The following MOB1A variants were observed in gnomAD, a reference collection of about 807,000 sequenced individuals.
MOB1A encodes the protein MOB1 Mps One Binder homolog A.
A neutral mutation model predicts 25.1 loss-of-function variants in MOB1A; 10 were observed. The ratio of observed to expected loss-of-function variants is 0.40; its 90% confidence interval spans 0.25 to 0.68. The LOEUF is 0.68. Among genes scored for constraint, MOB1A ranks in the 30% least tolerant of loss-of-function variants. MOB1A has a pLI of 0.40. For synonymous variants in MOB1A, 81 were observed against 79.5 expected, an observed-to-expected ratio of 1.02 and a Z score of -0.10; for missense variants, 177 against 256.3, an observed-to-expected ratio of 0.69 and a Z score of 2.11.
chr2:74,158,106 G>T (rs1033168037), intron 5 of MOB1A, among the ~76,000 whole-genome samples: 2 of 150,392 alleles, frequency 1.3e-5, no homozygotes, highest in African/African-American at 4.9e-5. Context: ...CTTGAACCCA[G>T]GAGGCAAAGG....
intron 3 of MOB1A, 86 bp downstream of exon 3, chr2:74,166,928 A>G (rs745626755): frequency 1.0e-4 from 100 of 967,228 alleles, no homozygotes; most frequent in Non-Finnish European, 1.5e-4. Context: ...ACACAAACGG[A>G]TAACAAATCT....
rs1692796780 is a variant in MOB1A, at chr2:74,156,031, A to C, written c.*537T>G. 1 of 152,746 alleles carries C rather than the reference A, an allele frequency of 6.5e-6. No individual in the cohort carries two copies. The highest frequency in any genetic ancestry group is 2.4e-5 in the African/African-American group (1 of 41,462). 9.5% of individuals were successfully genotyped at this position (152,746 alleles called of 1,614,324 possible). ...TATCTATAAAAACACTACCATACAA[A>C]CTTGAAACTAAAATGTTATCTGAAG... On this transcript the variant is annotated 3_prime_UTR_variant, in exon 6 of 6. Transcript: ENST00000396049.
chr2:74,168,632 C>T (rs577431342), intron 2 of MOB1A, among the ~76,000 whole-genome samples: 6 of 151,786 alleles, frequency 4.0e-5, no homozygotes, highest in Admixed American at 3.9e-4. Context: ...AACCCTGTCT[C>T]GAAAAAATAA....
At chr2:74,177,176 G>A (rs570475358) in intron 1 of MOB1A, among the ~76,000 whole-genome samples, 3 of 152,148 alleles carry the variant, frequency 2.0e-5, no homozygotes, top group Admixed American at 2.0e-4. Context: ...AGCCAGGTGT[G>A]GTGGCCGGCG....
chr2:74,178,126 G>A (rs1323712955), intron 1 of MOB1A: 1 of 152,292 alleles, frequency 6.6e-6, no homozygotes, highest in Non-Finnish European at 1.5e-5. Flanking sequence ...GAGGACAAGA[G>A]AAGTTGGTTA....
Position 74,154,234 on chromosome 2 carries a change from C to A in MOB1A, c.*2334G>T, listed in dbSNP as rs1329779330. 1 of 151,006 alleles carries A rather than the reference C, an allele frequency of 6.6e-6. No homozygotes were observed. Among genetic ancestry groups the A allele is most frequent in the Non-Finnish European group, 1.5e-5 (1 of 67,884 alleles). 9.4% of individuals were successfully genotyped at this position (151,006 alleles called of 1,614,324 possible). A position where few individuals can be genotyped will look rare whatever the true frequency, so the allele number is the denominator to read the frequency against. ...AAGATTGATTTCGTCAAACTGTTAT[C>A]AAAGGTTGGCCCTCTAGCCAACTCA... On this transcript the variant is annotated 3_prime_UTR_variant, in exon 6 of 6. Transcript: ENST00000396049.
At chr2:74,168,992 G>A (rs1693208386) in intron 2 of MOB1A, among the ~76,000 whole-genome samples, 1 of 152,052 alleles carries the variant, frequency 6.6e-6, no homozygotes, top group Non-Finnish European at 1.5e-5. Context: ...AGGGCACAAT[G>A]GTGTTTTCCA....
At chr2:74,178,381 G>A in intron 1 of MOB1A, 2 of 297,128 alleles carry the variant, frequency 6.7e-6, no homozygotes, top group Non-Finnish European at 1.2e-5. Context: ...TCGTCTCCCC[G>A]CCCTCGGGGG....
At chr2:74,164,127 T>C (rs957245281) in intron 4 of MOB1A, 1 of 152,132 alleles carries the variant, frequency 6.6e-6, no homozygotes, top group African/African-American at 2.4e-5. Flanking sequence ...GCACATAAGA[T>C]AATCAGGGGA....
At chr2:74,167,527 G>A (rs1421672736) in intron 2 of MOB1A, among the ~76,000 whole-genome samples, 1 of 152,142 alleles carries the variant, frequency 6.6e-6, no homozygotes, top group African/African-American at 2.4e-5. Context: ...AGATACTGGA[G>A]ATAATTCTAA....
At position 74,178,850 on chromosome 2, in the gene MOB1A, C is replaced by G. The variant is rs979044578; in HGVS notation, c.-176G>C. ...TTTGCAAACCTCGGCGCCCGCCTTG[C>G]CCGCCTACCCCACCTCGCAGACCCG... On this transcript the variant is annotated 5_prime_UTR_variant, in exon 1 of 6. Coordinates refer to ENST00000396049, the MANE Select transcript of MOB1A (RefSeq NM_018221.5). 8.1e-5 allele frequency: 32 copies of G among 395,256 alleles called. No individual in the cohort carries two copies. The highest frequency in any genetic ancestry group is 1.3e-3 in the Middle Eastern group (2 of 1,554). 24.5% of individuals were successfully genotyped at this position (395,256 alleles called of 1,614,324 possible). A position where few individuals can be genotyped will look rare whatever the true frequency, so the allele number is the denominator to read the frequency against.
chr2:74,177,557 G>A lies in MOB1A; in HGVS notation c.14+1104C>T, dbSNP rs1397613823. 2.0e-5 allele frequency among the ~76,000 whole-genome samples: 3 copies of A among 151,952 alleles called. No individual in the cohort carries two copies. The East Asian group carries it at 5.8e-4, about 29-fold the overall frequency. On this transcript the variant is annotated intron_variant, in intron 1 of 5. Coordinates refer to ENST00000396049, the MANE Select transcript of MOB1A (RefSeq NM_018221.5). ...CATTTACGAGAATAACCCAAAGGAA[G>A]GAAAATGAGACGCAGATAAACATAT...
intron 4 of MOB1A, among the ~76,000 whole-genome samples, chr2:74,160,564 G>A (rs1692938436): frequency 6.6e-6 from 1 of 152,048 alleles, no homozygotes; most frequent in Non-Finnish European, 1.5e-5. Flanking sequence ...AGCCAGGGGT[G>A]GTGGCAGGCA....
chr2:74,172,855 A>T (rs1324582845), intron 1 of MOB1A, 103 bp from the exon 2 acceptor site: 3 of 1,235,504 alleles, frequency 2.4e-6, no homozygotes, highest in Non-Finnish European at 3.4e-6. Context: ...AAAATAAAAT[A>T]AAAAATACTC....
intron 1 of MOB1A, among the ~76,000 whole-genome samples, chr2:74,175,904 GACTTTT>G (rs1292328687): frequency 1.3e-5 from 2 of 152,042 alleles, no homozygotes. Flanking sequence ...TAGAACTATG[GACTTTT>G]ACTTTACCTG....
intron 2 of MOB1A, among the ~76,000 whole-genome samples, chr2:74,169,723 G>C (rs1277393801): frequency 2.0e-5 from 3 of 151,872 alleles, no homozygotes; most frequent in African/African-American, 4.8e-5. Context: ...CCGTCTCCCA[G>C]GTTCAAGCAA....
intron 3 of MOB1A, among the ~76,000 whole-genome samples, chr2:74,166,553 G>T (rs79716655): frequency 0.025 from 3,841 of 152,234 alleles, 152 homozygotes; most frequent in African/African-American, 0.088. Flanking sequence ...ACTAATAGCT[G>T]GCCAGGTGCA....
At chr2:74,173,941 T>G (rs932044584) in intron 1 of MOB1A, among the ~76,000 whole-genome samples, 1 of 80,012 alleles carries the variant, frequency 1.2e-5, no homozygotes. Flanking sequence ...AGAGCGAAAC[T>G]CCGTCTCAAA....
chr2:74,160,496 A>G (rs550829129), intron 4 of MOB1A, among the ~76,000 whole-genome samples: 21 of 152,162 alleles, frequency 1.4e-4, no homozygotes, highest in African/African-American at 5.1e-4. Flanking sequence ...CAGCCTGGCC[A>G]AAGAGACCAG....
Sources: gnomAD v4.1 joint callset for allele counts (sites outside exome capture counted in the v4.1 genomes callset) on GRCh38, gnomAD v4.1.1 for gene constraint, MANE v1.5 for transcripts, NCBI Gene and HGNC (gene_info 2026-07-23, HGNC 2026-07-21) for gene names.